Variants in DLGAP2 observed in about 807,000 individuals in gnomAD.
DLGAP2 encodes the protein DLG associated protein 2.
A neutral mutation model predicts 100.3 loss-of-function variants in DLGAP2; 26 were observed. That is an observed-to-expected ratio of 0.26 (90% CI 0.19 to 0.36). The LOEUF is 0.36. DLGAP2 is among the 10% of genes least tolerant of loss of function. DLGAP2 has a pLI of 1.00. For synonymous variants in DLGAP2, 886 were observed against 630.1 expected (o/e 1.41, Z -6.08); for missense variants, 1,858 against 1,453.2 (o/e 1.28, Z -4.53).
In DLGAP2 at chr8:1,200,992, G is replaced by A. The variant is rs1797860394; in HGVS notation, c.74-57859G>A. 1.3e-5 allele frequency among the ~76,000 whole-genome samples: 2 copies of A among 152,296 alleles called. 1 individual carries two copies. The highest frequency in any genetic ancestry group is 4.1e-4 in the South Asian group (2 of 4,832). ...GCTCGGCCTTAGGGAAAGAAGGCGC[G>A]GCTGTCTCCCCGGACCCCACCGTTA... On this transcript the variant is annotated intron_variant, in intron 2 of 14. Transcript: ENST00000637795.
At chr8:1,006,868 C>A (rs1359927613) in intron 2 of DLGAP2, among the ~76,000 whole-genome samples, 1 of 123,202 alleles carries the variant, frequency 8.1e-6, no homozygotes, top group East Asian at 2.6e-4. Flanking sequence ...TCGGGGACAC[C>A]ATGTGTCTGA....
intron 4 of DLGAP2, among the ~76,000 whole-genome samples, chr8:1,540,343 G>C (rs941010794): frequency 1.2e-4 from 18 of 152,176 alleles, no homozygotes; most frequent in African/African-American, 4.3e-4. Flanking sequence ...TTGGAGCAGG[G>C]GCTGTTTCAC....
chr8:1,318,868 G>T (rs1800830033), intron 3 of DLGAP2, among the ~76,000 whole-genome samples: 1 of 139,880 alleles, frequency 7.1e-6, no homozygotes, highest in South Asian at 2.2e-4. Flanking sequence ...CAGAGTTAAT[G>T]ATGTCCTTTC....
chr8:937,151 C>A (rs560275374), intron 2 of DLGAP2, among the ~76,000 whole-genome samples: 28 of 152,312 alleles, frequency 1.8e-4, no homozygotes, highest in African/African-American at 5.8e-4. Context: ...AAGTCTCCCT[C>A]GCTCGCCTGA....
At chr8:1,482,838 C>G (rs1456569976) in intron 3 of DLGAP2, among the ~76,000 whole-genome samples, 3 of 152,194 alleles carry the variant, frequency 2.0e-5, no homozygotes, top group African/African-American at 2.4e-5. Context: ...TCAGGCTGGA[C>G]CAGAAGAGGA....
chr8:961,036 C>G (rs935696997), intron 2 of DLGAP2, among the ~76,000 whole-genome samples: 45 of 149,428 alleles, frequency 3.0e-4, no homozygotes, highest in African/African-American at 9.1e-4. Context: ...TGCACAGACC[C>G]CCATGTTGAC....
At chr8:983,194 C>T (rs575724282) in intron 2 of DLGAP2, among the ~76,000 whole-genome samples, 1 of 152,174 alleles carries the variant, frequency 6.6e-6, no homozygotes, top group Non-Finnish European at 1.5e-5. Flanking sequence ...TTTAAATATG[C>T]CCTTAGAATC....
At chr8:1,344,114 T>TTCGGGGTCCTGTCGTGGGTCCGTGTAC (rs1801487370) in intron 3 of DLGAP2, among the ~76,000 whole-genome samples, 2 of 36,894 alleles carry the variant, frequency 5.4e-5, no homozygotes, top group African/African-American at 1.1e-4. Flanking sequence ...GGTCCATGTA[T>TTCGGGGTCCTGTCGTGGGTCCGTGTAC]TCGGGGCCCT....
intron 4 of DLGAP2, among the ~76,000 whole-genome samples, chr8:1,528,949 G>T (rs1800888547): frequency 6.6e-6 from 1 of 152,186 alleles, no homozygotes; most frequent in African/African-American, 2.4e-5. Flanking sequence ...CTCACTTATT[G>T]ATTCCTAGCA....
In DLGAP2 at chr8:1,154,555, T is replaced by C. The variant is rs145579826; in HGVS notation, c.74-104296T>C. On this transcript the variant is annotated intron_variant, in intron 2 of 14. Transcript: ENST00000637795. ...AAATTAAGCAATTTTTCATTTATTT[T>C]CTGCTAAGTTTCTTGTTTCTTTTCT... Among the ~76,000 whole-genome samples the C allele has an allele frequency of 4.7e-3, 713 of 152,378 alleles. 2 individuals are homozygous for C. The highest frequency in any genetic ancestry group is 0.01 in the Middle Eastern group (3 of 294).
chr8:847,259 C>T (rs1179880061), intron 1 of DLGAP2, among the ~76,000 whole-genome samples: 2 of 152,200 alleles, frequency 1.3e-5, no homozygotes, highest in African/African-American at 4.8e-5. Flanking sequence ...TTCAGATATA[C>T]TGGCCAAAGT....
chr8:1,527,705 G>A (rs896096436), intron 4 of DLGAP2, among the ~76,000 whole-genome samples: 1 of 152,188 alleles, frequency 6.6e-6, no homozygotes, highest in African/African-American at 2.4e-5. Context: ...TGTCTATGCA[G>A]CATGCACGGC....
At chr8:1,352,279 G>A (rs6991441) in intron 3 of DLGAP2, among the ~76,000 whole-genome samples, 8 of 116,134 alleles carry the variant, frequency 6.9e-5, no homozygotes, top group African/African-American at 1.6e-4. Context: ...TGGAAAGGAC[G>A]TGCGGGTCCT....
chr8:1,064,006 A>G (rs2129035772), intron 2 of DLGAP2, among the ~76,000 whole-genome samples: 1 of 152,316 alleles, frequency 6.6e-6, no homozygotes, highest in Non-Finnish European at 1.5e-5. Flanking sequence ...ACGCAGGATG[A>G]CATGGTTCTC....
rs568937116 is a variant in DLGAP2 at position 1,525,624 on chromosome 8, T to C, written c.173-23002T>C. The stretch of plus-strand genomic sequence containing the variant: ...AACCATGTGCGAATCGCAGAAAGAA[T>C]AGTAGATTTAAAAAGTCACCTTGAG... On this transcript the variant is annotated intron_variant, in intron 4 of 14. Transcript: ENST00000637795. Among the ~76,000 whole-genome samples, 10 of 152,340 alleles carry C rather than the reference T, an allele frequency of 6.6e-5. No individual in the cohort carries two copies. The South Asian group carries it at 2.1e-3, about 32-fold the overall frequency.
At chr8:794,528 T>G (rs2132644191) in intron 1 of DLGAP2, among the ~76,000 whole-genome samples, 1 of 152,344 alleles carries the variant, frequency 6.6e-6, no homozygotes, top group East Asian at 1.9e-4. Context: ...TTGGGCTAGT[T>G]AACTGCAGCA....
intron 3 of DLGAP2, among the ~76,000 whole-genome samples, chr8:1,377,037 G>A (rs193109403): frequency 1.1e-4 from 17 of 152,346 alleles, no homozygotes; most frequent in African/African-American, 2.2e-4. Context: ...TACTGTGCGC[G>A]GTCCCTGGCT....
intron 2 of DLGAP2, among the ~76,000 whole-genome samples, chr8:1,161,067 C>G (rs1265885804): frequency 1.3e-5 from 2 of 152,336 alleles, no homozygotes; most frequent in East Asian, 3.9e-4. Flanking sequence ...TGATAAGACA[C>G]TTTGCCTATT....
chr8:1,537,687 A>G (rs548279918), intron 4 of DLGAP2, among the ~76,000 whole-genome samples: 1 of 152,004 alleles, frequency 6.6e-6, no homozygotes, highest in Admixed American at 6.6e-5. Flanking sequence ...GGATGCAAGG[A>G]TGGAAGGATA....
Sources: gnomAD v4.1 joint callset for allele counts (sites outside exome capture counted in the v4.1 genomes callset) on GRCh38, gnomAD v4.1.1 for gene constraint, MANE v1.5 for transcripts, NCBI Gene and HGNC (gene_info 2026-07-23, HGNC 2026-07-21) for gene names.